Variants in OGFR observed in about 807,000 individuals in gnomAD.
OGFR encodes protein 7-60.
OGFR carries 18 observed loss-of-function variants against 33.6 expected under a neutral mutation model. That is an observed-to-expected ratio of 0.54 (90% CI 0.37 to 0.80). The LOEUF (loss-of-function observed/expected upper bound fraction) is 0.80. Ranked by LOEUF, OGFR falls within the 30% of genes least tolerant of loss-of-function variation. The pLI, the probability that OGFR is intolerant of heterozygous loss-of-function variation, is 0.00. For missense variants in OGFR, 877 were observed against 955.8 expected (o/e 0.92, Z 1.09); for synonymous variants, 370 against 400.7 (o/e 0.92, Z 0.91).
At chr20:62,809,560 T>A in intron 3 of OGFR, 25 bp from the exon 4 acceptor site, 2 of 1,603,678 alleles carry the variant, frequency 1.2e-6, no homozygotes, top group Non-Finnish European at 1.7e-6. Context: ...CTGCCACAGC[T>A]GACTTGTCCC....
chr20:62,812,005 G>A (rs1309036853), intron 6 of OGFR, among the ~76,000 whole-genome samples: 3 of 152,190 alleles, frequency 2.0e-5, no homozygotes, highest in Non-Finnish European at 4.4e-5. Flanking sequence ...TAGGTGATGC[G>A]TCAGCATCCC....
chr20:62,808,200 G>C, intron 2 of OGFR, 47 bp from the exon 3 acceptor site: 1 of 1,459,860 alleles, frequency 6.8e-7, no homozygotes, highest in Non-Finnish European at 9.6e-7. Flanking sequence ...CCCCAGGGCA[G>C]CTTGTGTCTG....
rs768225847 is a variant in OGFR, at chr20:62,812,705, G to T, written c.1090G>T (p.Asp364Tyr). 2 of 1,583,214 alleles carry T rather than the reference G, an allele frequency of 1.3e-6. No individual in the cohort carries two copies. The highest frequency in any genetic ancestry group is 2.7e-5 in the African/African-American group (2 of 74,368). The change falls in exon 7 of 7, where the codon GAT becomes TAT. Residue 364 changes from aspartate (D) to tyrosine (Y), a missense_variant. This residue lies in a region of OGFR where 760 missense variants were observed against 736.0 expected (regional missense o/e 1.03). Transcript: ENST00000290291. The part of the protein sequence containing the change: ...DAGPLERSQG[D>Y]EAGGHGEDRP... ...GGGACCCCTGGAGAGGAGCCAGGGG[G>T]ATGAGGCAGGGGGCCACGGGGAAGA...
Position 62,812,458 on chromosome 20 carries a change from C to T in OGFR, c.843C>T (p.Arg281=), listed in dbSNP as rs1023280697. 5 of 1,580,974 alleles carry T rather than the reference C, an allele frequency of 3.2e-6. No homozygotes were observed. Among genetic ancestry groups the T allele is most frequent in the Non-Finnish European group, 4.3e-6 (5 of 1,163,940 alleles). The change falls in exon 7 of 7, where the codon CGC becomes CGT. Residue 281 remains arginine (R), a synonymous_variant. Transcript: ENST00000290291. ...VHFAWEHFRP[R]CKFVWGPQDK... is the part of the protein sequence containing the mutation. Reference sequence around the variant, plus strand: ...TCGCCTGGGAGCACTTCCGGCCCCGCTGCAAGTTCGTCTGGGGGCCCCAAG... The same window carrying T: ...TCGCCTGGGAGCACTTCCGGCCCCGTTGCAAGTTCGTCTGGGGGCCCCAAG...
chr20:62,811,081 G>A (rs1000677977), intron 5 of OGFR, among the ~76,000 whole-genome samples: 4 of 152,258 alleles, frequency 2.6e-5, no homozygotes, highest in Non-Finnish European at 5.9e-5. Flanking sequence ...CTGAGTCCAG[G>A]CTAGGTGCCG....
chr20:62,811,624 G>GCGGCCCCCC lies in OGFR; in HGVS notation c.614+15_614+16insGGCCCCCCC. ...GAACCTGAACTGGTGAGGCCCGGCT[G>GCGGCCCCCC]CTCCCGCCCACCCCCACCCCGGCGC... is the stretch of plus-strand genomic sequence containing the variant. On this transcript the variant is annotated intron_variant, in intron 6 of 6. Transcript: ENST00000290291. The GCGGCCCCCC allele has an allele frequency of 6.4e-7, 1 of 1,551,502 alleles. No homozygotes were observed. Among genetic ancestry groups the GCGGCCCCCC allele is most frequent in the Non-Finnish European group, 8.7e-7 (1 of 1,147,392 alleles).
intron 4 of OGFR, among the ~76,000 whole-genome samples, chr20:62,810,182 G>A (rs1005155382): frequency 6.6e-6 from 1 of 152,232 alleles, no homozygotes; most frequent in African/African-American, 2.4e-5. Flanking sequence ...ACACAAGAGA[G>A]GGAAGAGTGA....
At position 62,812,705 on chromosome 20, in the gene OGFR, G is replaced by A; in HGVS notation, c.1090G>A (p.Asp364Asn). The change falls in exon 7 of 7, where the codon GAT (aspartate) becomes AAT (asparagine). Residue 364 changes from aspartate (D) to asparagine (N), a missense_variant. Physicochemically the swap from Asp to Asn is conservative, Grantham distance 23. This residue lies in a region of OGFR where 760 missense variants were observed against 736.0 expected (regional missense o/e 1.03). Transcript: ENST00000290291. ...GGGACCCCTGGAGAGGAGCCAGGGG[G>A]ATGAGGCAGGGGGCCACGGGGAAGA... The part of the protein sequence containing the change: ...DAGPLERSQG[D>N]EAGGHGEDRP... 1.3e-6 allele frequency: 2 copies of A among 1,583,214 alleles called. No homozygotes were observed. Among genetic ancestry groups the A allele is most frequent in the Non-Finnish European group, 1.7e-6 (2 of 1,165,176 alleles).
In OGFR at chr20:62,807,548, A is replaced by G. The variant is rs761697882; in HGVS notation, c.183A>G (p.Thr61=). The change falls in exon 2 of 7, where the codon ACA becomes ACG. Residue 61 remains threonine, a synonymous_variant. Coordinates refer to ENST00000290291, the MANE Select transcript of OGFR (RefSeq NM_007346.4). The part of the protein sequence containing the change: ...ARPSSFQSRM[T]GSRNWRATRD... ...TCTTTTCTTCCCAGTCCAGAATGAC[A>G]GGGTCCAGAAACTGGCGAGCCACGA... 1.9e-6 allele frequency: 3 copies of G among 1,612,756 alleles called. No individual in the cohort carries two copies. In the Admixed American group the frequency reaches 5.0e-5, roughly 27 times the overall value.
In OGFR at chr20:62,813,832, C is replaced by A; in HGVS notation, c.*183C>A. ...AAGCCGCGAGGCCCTCAGGGAAGCC[C>A]AAGGCCTGCAGAAGCCTCCTGGCCT... On this transcript the variant is annotated 3_prime_UTR_variant, in exon 7 of 7. Transcript: ENST00000290291. 4.4e-6 allele frequency: 3 copies of A among 676,622 alleles called. No individual in the cohort carries two copies. Among genetic ancestry groups the A allele is most frequent in the Non-Finnish European group, 7.4e-6 (3 of 403,340 alleles). The allele number at this position is 676,622 out of a possible 1,614,324, so 41.9% of individuals were successfully genotyped here.
At position 62,813,728 on chromosome 20, in the gene OGFR, C is replaced by T; in HGVS notation, c.*79C>T. 6.6e-7 allele frequency: 1 copy of T among 1,524,254 alleles called. No individual in the cohort carries two copies. 94.4% of individuals were successfully genotyped at this position (1,524,254 alleles called of 1,614,324 possible). A position where few individuals can be genotyped will look rare whatever the true frequency, so the allele number is the denominator to read the frequency against. ...GGGCCTCCGGAGCTGCTGCGGGCTC[C>T]CCTCAGGCTCTGCTTCGTGACCCGT... On this transcript the variant is annotated 3_prime_UTR_variant, in exon 7 of 7. Transcript: ENST00000290291.
Position 62,813,736 on chromosome 20 carries a change from C to A in OGFR, c.*87C>A. ...GGAGCTGCTGCGGGCTCCCCTCAGGCTCTGCTTCGTGACCCGTGACCCATG... is the reference window on the plus strand; with the variant it reads ...GGAGCTGCTGCGGGCTCCCCTCAGGATCTGCTTCGTGACCCGTGACCCATG... On this transcript the variant is annotated 3_prime_UTR_variant, in exon 7 of 7. Coordinates refer to ENST00000290291, the MANE Select transcript of OGFR (RefSeq NM_007346.4). The A allele has an allele frequency of 6.7e-7, 1 of 1,490,590 alleles. No homozygotes were observed. The highest frequency in any genetic ancestry group is 9.3e-7 in the Non-Finnish European group (1 of 1,074,614). 92.3% of individuals were successfully genotyped at this position (1,490,590 alleles called of 1,614,324 possible).
At position 62,813,488 on chromosome 20, in the gene OGFR, C is replaced by G. The variant is rs201163906; in HGVS notation, c.1873C>G (p.Arg625Gly). The G allele has an allele frequency of 7.2e-7, 1 of 1,396,254 alleles. No individual in the cohort carries two copies. The highest frequency in any genetic ancestry group is 2.0e-5 in the African/African-American group (1 of 49,700). 86.5% of individuals were successfully genotyped at this position (1,396,254 alleles called of 1,614,324 possible). ...AESPSETPGP[R>G]PAGPAGDEPA... ...GAGCCCATCGGAGACCCCAGGCCCCCGCCCGGCAGGACCTGCAGGGGACGA... is the reference window on the plus strand; with the variant it reads ...GAGCCCATCGGAGACCCCAGGCCCCGGCCCGGCAGGACCTGCAGGGGACGA... Residue 625 changes from arginine to glycine, a missense_variant, in exon 7 of 7, where the codon CGC becomes GGC. Arg to Gly is a moderately radical substitution (Grantham distance 125, BLOSUM62 -2). Around this residue, in one of 3 missense-constraint regions of OGFR, gnomAD observed 72 missense variants for 181.8 expected, o/e 0.40. Transcript: ENST00000290291.
chr20:62,810,637 G>A (rs923359502), intron 5 of OGFR, 72 bp downstream of exon 5: 32 of 1,473,838 alleles, frequency 2.2e-5, no homozygotes, highest in African/African-American at 1.9e-4. Flanking sequence ...CTGCAGAGAC[G>A]GGGTCGCCTC....
rs1405328804 is a variant in OGFR at position 62,813,472 on chromosome 20, G to A, written c.1857G>A (p.Ser619=). 33 of 1,439,542 alleles carry A rather than the reference G, an allele frequency of 2.3e-5. No homozygotes were observed. Among genetic ancestry groups the A allele is most frequent in the African/African-American group, 1.1e-4 (6 of 55,266 alleles). The allele number at this position is 1,439,542 out of a possible 1,614,324, so 89.2% of individuals were successfully genotyped here. Residue 619 remains serine, a synonymous_variant, in exon 7 of 7, where the codon TCG becomes TCA. Transcript: ENST00000290291. ...PAGDEPAESP[S]ETPGPRPAGP... ...GGGACGAGCCAGCCGAGAGCCCATC[G>A]GAGACCCCAGGCCCCCGCCCGGCAG... is the stretch of plus-strand genomic sequence containing the variant.
intron 3 of OGFR, 25 bp downstream of exon 3, chr20:62,808,350 G>T: frequency 6.3e-7 from 1 of 1,581,342 alleles, no homozygotes; most frequent in South Asian, 1.1e-5. Flanking sequence ...ACCACTGGCA[G>T]CCGGCGCTTC....
At position 62,811,626 on chromosome 20, in the gene OGFR, T is replaced by TGGCGCC; in HGVS notation, c.614+16_614+17insGGCGCC. On this transcript the variant is annotated intron_variant, in intron 6 of 6. Transcript: ENST00000290291. ...ACCTGAACTGGTGAGGCCCGGCTGC[T>TGGCGCC]CCCGCCCACCCCCACCCCGGCGCAG... 7 of 1,502,512 alleles carry TGGCGCC rather than the reference T, an allele frequency of 4.7e-6. No homozygotes were observed. The highest frequency in any genetic ancestry group is 2.0e-5 in the Admixed American group (1 of 50,932). The allele number at this position is 1,502,512 out of a possible 1,614,324, so 93.1% of individuals were successfully genotyped here. A position where few individuals can be genotyped will look rare whatever the true frequency, so the allele number is the denominator to read the frequency against.
chr20:62,809,509 C>T, intron 3 of OGFR, 76 bp from the exon 4 acceptor site: 1 of 1,095,864 alleles, frequency 9.1e-7, no homozygotes, highest in East Asian at 2.4e-5. Flanking sequence ...CTCCTTATGT[C>T]CCCCACCCAC....
intron 3 of OGFR, among the ~76,000 whole-genome samples, 177 bp downstream of exon 3, chr20:62,808,502 C>T (rs774301105): frequency 1.3e-5 from 2 of 152,144 alleles, no homozygotes; most frequent in African/African-American, 2.4e-5. Flanking sequence ...TTGGGATCTC[C>T]GCAGTGGTGT....
Sources: allele counts gnomAD v4.1 joint callset (sites outside exome capture counted in the v4.1 genomes callset), GRCh38; gene constraint gnomAD v4.1.1; regional missense constraint gnomAD v4.1.1; transcripts MANE v1.5; gene names NCBI Gene and HGNC (gene_info 2026-07-23, HGNC 2026-07-21).